Variants in CWC22 observed in about 807,000 individuals in gnomAD.
CWC22 encodes the protein pre-mRNA-splicing factor CWC22 homolog.
Under a neutral mutation model 117.2 loss-of-function variants are expected in CWC22, and 53 were observed. That is an observed-to-expected ratio of 0.45 (90% CI 0.36 to 0.57). The LOEUF (loss-of-function observed/expected upper bound fraction) is 0.57. Ranked by LOEUF, CWC22 falls within the 20% of genes least tolerant of loss-of-function variation. CWC22 has a pLI of 0.00. For missense variants in CWC22, 980 were observed against 1,068.8 expected (o/e 0.92, Z 1.16); for synonymous variants, 360 against 355.6 (o/e 1.01, Z -0.14).
intron 1 of CWC22, among the ~76,000 whole-genome samples, chr2:179,999,135 C>T (rs1334567913): frequency 6.6e-6 from 1 of 152,010 alleles, no homozygotes; most frequent in East Asian, 1.9e-4. Flanking sequence ...ATAGTTCTAA[C>T]AAAAAATGAA....
At chr2:179,961,604 G>A (rs955783359) in intron 13 of CWC22, among the ~76,000 whole-genome samples, 1 of 151,742 alleles carries the variant, frequency 6.6e-6, no homozygotes, top group Non-Finnish European at 1.5e-5. Flanking sequence ...TTTAAAAAAC[G>A]AAATTAGTAC....
chr2:180,000,393 C>T (rs543491334), intron 1 of CWC22, among the ~76,000 whole-genome samples: 1 of 152,302 alleles, frequency 6.6e-6, no homozygotes, highest in Admixed American at 6.5e-5. Context: ...TTAGCATATA[C>T]TGACTTGATA....
At chr2:180,001,048 C>A (rs573184575) in intron 1 of CWC22, among the ~76,000 whole-genome samples, 31 of 152,212 alleles carry the variant, frequency 2.0e-4, no homozygotes, top group African/African-American at 6.7e-4. Context: ...TTCTTTTCAA[C>A]AGAATGCAGG....
chr2:179,954,881 G>T, intron 15 of CWC22, 76 bp downstream of exon 15: 1 of 911,996 alleles, frequency 1.1e-6, no homozygotes, highest in Non-Finnish European at 1.7e-6. Flanking sequence ...TTTTAAATGA[G>T]ACCAGACCAT....
intron 2 of CWC22, among the ~76,000 whole-genome samples, chr2:179,990,841 T>C (rs752398978): frequency 6.6e-6 from 1 of 152,136 alleles, no homozygotes; most frequent in Non-Finnish European, 1.5e-5. Flanking sequence ...TAGTAAGTGC[T>C]AACAGGAGAT....
chr2:179,980,197 C>T (rs371870644), intron 5 of CWC22, among the ~76,000 whole-genome samples: 6 of 152,024 alleles, frequency 3.9e-5, no homozygotes, highest in East Asian at 1.9e-4. Context: ...ATGAGCAAAA[C>T]GTTTACATGA....
intron 11 of CWC22, among the ~76,000 whole-genome samples, chr2:179,967,716 A>G (rs1279948748): frequency 1.4e-5 from 2 of 146,976 alleles, no homozygotes; most frequent in East Asian, 2.0e-4. Flanking sequence ...TGAAATATAA[A>G]GTTCATATAT....
chr2:179,990,040 T>A (rs1443740757), intron 2 of CWC22, among the ~76,000 whole-genome samples: 8 of 152,118 alleles, frequency 5.3e-5, no homozygotes, highest in Non-Finnish European at 1.2e-4. Context: ...TCTAACATAA[T>A]CACAAGTACA....
In CWC22 at chr2:179,970,865, T is replaced by G; in HGVS notation, c.941-9A>C. On this transcript the variant is annotated splice_polypyrimidine_tract_variant and intron_variant, in intron 9 of 19. Coordinates refer to ENST00000410053, the MANE Select transcript of CWC22 (RefSeq NM_020943.3). ...AAGGCGTTCAAATATAGCTAAAAGT[T>G]AACAGAAAGAAAAGACAATAAAATA... The G allele has an allele frequency of 6.2e-7, 1 of 1,611,058 alleles. No individual in the cohort carries two copies. The highest frequency in any genetic ancestry group is 8.5e-7 in the Non-Finnish European group (1 of 1,177,792).
At chr2:180,001,274 C>T (rs1004992555) in intron 1 of CWC22, among the ~76,000 whole-genome samples, 4 of 151,938 alleles carry the variant, frequency 2.6e-5, no homozygotes, top group Non-Finnish European at 4.4e-5. Flanking sequence ...TGTCTCATCC[C>T]TACACAGCTA....
intron 1 of CWC22, among the ~76,000 whole-genome samples, chr2:180,002,430 C>T (rs1465702754): frequency 6.6e-6 from 1 of 152,048 alleles, no homozygotes; most frequent in African/African-American, 2.4e-5. Flanking sequence ...GCCTAGAGTC[C>T]CAGCCTGGGC....
At chr2:179,954,126 A>T (rs1051227570) in intron 16 of CWC22, 79 bp downstream of exon 16, 1 of 1,049,122 alleles carries the variant, frequency 9.5e-7, no homozygotes, top group Non-Finnish European at 1.4e-6. Flanking sequence ...TAATAGGATA[A>T]ATATGGCTAG....
intron 19 of CWC22, among the ~76,000 whole-genome samples, chr2:179,948,340 G>GA (rs1001274845): frequency 6.6e-6 from 1 of 151,956 alleles, no homozygotes; most frequent in African/African-American, 2.4e-5. Context: ...TCTTATAGAA[G>GA]AAATTCAATT....
At position 179,950,967 on chromosome 2, in the gene CWC22, A is replaced by T. The variant is rs1168399296; in HGVS notation, c.1818-41T>A. The T allele has an allele frequency of 4.1e-6, 5 of 1,219,356 alleles. No individual in the cohort carries two copies. In the Admixed American group the frequency reaches 1.1e-4, roughly 28 times the overall value. The allele number at this position is 1,219,356 out of a possible 1,614,324, so 75.5% of individuals were successfully genotyped here. A position where few individuals can be genotyped will look rare whatever the true frequency, so the allele number is the denominator to read the frequency against. ...ATAAACAAAAGAGAACACATTGCTT[A>T]AAGATAAAAAGGTAAAATCCTTAGT... On this transcript the variant is annotated intron_variant, in intron 17 of 19. Coordinates refer to ENST00000410053, the MANE Select transcript of CWC22 (RefSeq NM_020943.3).
chr2:179,958,719 ACTAT>A (rs1686669660), intron 14 of CWC22, among the ~76,000 whole-genome samples: 2 of 152,144 alleles, frequency 1.3e-5, no homozygotes, highest in Admixed American at 6.5e-5. Context: ...CAAATTTCCT[ACTAT>A]ATTCAAGTCA....
chr2:179,993,316 T>C lies in CWC22; in HGVS notation c.26A>G (p.Lys9Arg). ...CCATTTTAAGTTTCAAACACTTACTTTTATCTGTGCCACACTACTTTTCAT... is the reference window on the plus strand; with the variant it reads ...CCATTTTAAGTTTCAAACACTTACTCTTATCTGTGCCACACTACTTTTCAT... MKSSVAQI[K>R]PSSGHDRREN... is the part of the protein sequence containing the mutation. Residue 9 changes from lysine to arginine, a missense_variant and splice_region_variant, in exon 2 of 20, where the codon AAA becomes AGA. Coordinates refer to ENST00000410053, the MANE Select transcript of CWC22 (RefSeq NM_020943.3). 1.3e-6 allele frequency: 2 copies of C among 1,564,848 alleles called. No individual in the cohort carries two copies. Among genetic ancestry groups the C allele is most frequent in the Non-Finnish European group, 1.7e-6 (2 of 1,151,694 alleles).
chr2:179,967,882 A>G (rs1001978656), intron 11 of CWC22, among the ~76,000 whole-genome samples: 1 of 152,210 alleles, frequency 6.6e-6, no homozygotes, highest in Non-Finnish European at 1.5e-5. Context: ...TATTTGGCCA[A>G]CAATTTCTCA....
At chr2:179,997,151 TTATAA>T (rs1408610922) in intron 1 of CWC22, among the ~76,000 whole-genome samples, 1 of 152,034 alleles carries the variant, frequency 6.6e-6, no homozygotes, top group Admixed American at 6.5e-5. Context: ...TCTTGAGGGG[TTATAA>T]TATATGTAGC....
chr2:179,980,873 T>A (rs1687269349), intron 5 of CWC22, among the ~76,000 whole-genome samples: 1 of 152,196 alleles, frequency 6.6e-6, no homozygotes, highest in Non-Finnish European at 1.5e-5. Context: ...GGCAACTGAA[T>A]AATCATTTCA....
Sources: allele counts gnomAD v4.1 joint callset (sites outside exome capture counted in the v4.1 genomes callset), GRCh38; gene constraint gnomAD v4.1.1; transcripts MANE v1.5; gene names NCBI Gene and HGNC (gene_info 2026-07-23, HGNC 2026-07-21).